The following ELAPOR1 variants were observed in gnomAD, a reference collection of about 807,000 sequenced individuals.
ELAPOR1 encodes the protein endosome-lysosome associated apoptosis and autophagy regulator 1, also known as endosome/lysosome-associated apoptosis and autophagy regulator 1.
A neutral mutation model predicts 119.7 loss-of-function variants in ELAPOR1; 77 were observed. The ratio of observed to expected loss-of-function variants is 0.64; its 90% CI spans 0.54 to 0.78. The LOEUF is 0.78. Among genes scored for constraint, ELAPOR1 ranks in the 30% least tolerant of loss-of-function variants. The pLI is 0.00. For missense variants in ELAPOR1, 1,115 were observed against 1,270.4 expected (o/e 0.88, Z 1.86); for synonymous variants, 481 against 487.2 (o/e 0.99, Z 0.17).
At chr1:109,177,170 C>T (rs1386288251) in intron 7 of ELAPOR1, among the ~76,000 whole-genome samples, 15 of 150,324 alleles carry the variant, frequency 1.0e-4, no homozygotes, top group African/African-American at 3.2e-4. Context: ...CCTCACTTCC[C>T]AGTAGGGGCG....
At chr1:109,198,882 C>T (rs977682954) in intron 18 of ELAPOR1, among the ~76,000 whole-genome samples, 2 of 152,230 alleles carry the variant, frequency 1.3e-5, no homozygotes, top group African/African-American at 4.8e-5. Context: ...TTCTCATATT[C>T]CTGGTCCATT....
intron 3 of ELAPOR1, 75 bp downstream of exon 3, chr1:109,164,766 T>C: frequency 7.2e-7 from 1 of 1,387,040 alleles, no homozygotes; most frequent in Non-Finnish European, 9.9e-7. Context: ...GACAGCCTCC[T>C]CCGCTGCCCC....
At chr1:109,129,787 G>A (rs1291464605) in intron 1 of ELAPOR1, among the ~76,000 whole-genome samples, 3 of 152,190 alleles carry the variant, frequency 2.0e-5, no homozygotes, top group East Asian at 3.8e-4. Flanking sequence ...TAATTTGAAG[G>A]ACCACTGTGA....
intron 1 of ELAPOR1, among the ~76,000 whole-genome samples, chr1:109,142,299 G>A (rs1649878413): frequency 6.6e-6 from 1 of 152,224 alleles, no homozygotes; most frequent in African/African-American, 2.4e-5. Flanking sequence ...ATAGGTAGAA[G>A]CTGAAGAAAA....
At chr1:109,149,013 G>A (rs1457693734) in intron 1 of ELAPOR1, among the ~76,000 whole-genome samples, 1 of 152,224 alleles carries the variant, frequency 6.6e-6, no homozygotes, top group Non-Finnish European at 1.5e-5. Flanking sequence ...GTTACAGACT[G>A]TCATAAATGT....
intron 1 of ELAPOR1, among the ~76,000 whole-genome samples, chr1:109,161,047 G>A (rs904335793): frequency 6.6e-5 from 10 of 152,042 alleles, no homozygotes; most frequent in African/African-American, 2.4e-4. Flanking sequence ...CACCTGCCTC[G>A]GCCAAATATA....
rs573528128 is a variant in ELAPOR1 at position 109,152,900 on chromosome 1, C to T, written c.154-8994C>T. On this transcript the variant is annotated intron_variant, in intron 1 of 21. Transcript: ENST00000369939. ...GTTCAAGGCTGCAGTTGCAGTGAGC[C>T]GAGATCACACCACTGCACTCCAGCC... Among the ~76,000 whole-genome samples the T allele has an allele frequency of 5.7e-5, 8 of 140,666 alleles. No homozygotes were observed. The East Asian group carries it at 8.4e-4, about 15-fold the overall frequency. 92.3% of individuals were successfully genotyped at this position (140,666 alleles called of 152,430 possible).
intron 1 of ELAPOR1, among the ~76,000 whole-genome samples, chr1:109,155,277 G>A (rs1296627775): frequency 6.6e-6 from 1 of 151,896 alleles, no homozygotes; most frequent in African/African-American, 2.4e-5. Context: ...CCGGGTTCAC[G>A]CCATTCTCCT....
intron 3 of ELAPOR1, among the ~76,000 whole-genome samples, chr1:109,168,678 T>C (rs374225436): frequency 6.6e-6 from 1 of 152,098 alleles, no homozygotes; most frequent in Non-Finnish European, 1.5e-5. Flanking sequence ...GAAACAAGAA[T>C]GAGAGAGAAA....
chr1:109,185,033 T>C lies in ELAPOR1; in HGVS notation c.953-12T>C. The C allele has an allele frequency of 6.4e-7, 1 of 1,571,440 alleles. No individual in the cohort carries two copies. The highest frequency in any genetic ancestry group is 8.6e-7 in the Non-Finnish European group (1 of 1,159,732). ...GTAACTCCAAATATTTCTTCTTGCT[T>C]TGGCAATTTAGAGAAAGGATCTTCT... On this transcript the variant is annotated splice_polypyrimidine_tract_variant and intron_variant, in intron 7 of 21. Coordinates refer to ENST00000369939, the MANE Select transcript of ELAPOR1 (RefSeq NM_020775.5).
chr1:109,158,689 A>G (rs1358957918), intron 1 of ELAPOR1, among the ~76,000 whole-genome samples: 1 of 152,156 alleles, frequency 6.6e-6, no homozygotes, highest in Non-Finnish European at 1.5e-5. Context: ...TACGTGCTGG[A>G]TGTATATACT....
rs187017169 is a variant in ELAPOR1 at position 109,137,780 on chromosome 1, G to A, written c.153+23444G>A. On this transcript the variant is annotated intron_variant, in intron 1 of 21. Transcript: ENST00000369939. ...CGACCTCAGGTGATCTGCCCGCCTC[G>A]GCCCCCCAAAGTGCTGGGATTACAG... is the stretch of plus-strand genomic sequence containing the variant. 3.1e-3 allele frequency among the ~76,000 whole-genome samples: 473 copies of A among 152,224 alleles called. 1 individual carries two copies. The highest frequency in any genetic ancestry group is 0.01 in the Middle Eastern group (3 of 294).
At chr1:109,129,054 T>C (rs944763389) in intron 1 of ELAPOR1, among the ~76,000 whole-genome samples, 3 of 151,732 alleles carry the variant, frequency 2.0e-5, no homozygotes, top group Admixed American at 2.0e-4. Flanking sequence ...CAGTGACAGA[T>C]TGCCTCTGGG....
At chr1:109,127,342 G>A (rs2093630667) in intron 1 of ELAPOR1, among the ~76,000 whole-genome samples, 1 of 147,038 alleles carries the variant, frequency 6.8e-6, no homozygotes, top group African/African-American at 2.6e-5. Context: ...AGCCTCCCAA[G>A]TAGCTGGGAC....
intron 1 of ELAPOR1, among the ~76,000 whole-genome samples, chr1:109,143,872 G>A (rs1259178818): frequency 6.6e-6 from 1 of 151,298 alleles, no homozygotes; most frequent in African/African-American, 2.4e-5. Flanking sequence ...TGTTGCCCAG[G>A]CTGATCTGGA....
Position 109,202,992 on chromosome 1 carries a change from G to A in ELAPOR1, c.3022G>A (p.Gly1008Ser), listed in dbSNP as rs770603003. The A allele has an allele frequency of 1.2e-6, 2 of 1,613,480 alleles. No individual in the cohort carries two copies. The stretch of plus-strand genomic sequence containing the variant: ...AGTGCCGCTGAAGACATCCTCAGGA[G>A]GCCTAGACATGGACCTGTGAGAGGC... ...DSVPLKTSSG[G>S]LDMDL Residue 1008 changes from glycine to serine, a missense_variant, in exon 22 of 22, where the codon GGC becomes AGC. Transcript: ENST00000369939.
chr1:109,120,514 G>T (rs182652424), intron 1 of ELAPOR1, among the ~76,000 whole-genome samples: 1 of 152,170 alleles, frequency 6.6e-6, no homozygotes, highest in African/African-American at 2.4e-5. Context: ...CTCACCGGAC[G>T]CCTAATCTGC....
Position 109,174,326 on chromosome 1 carries a change from T to A in ELAPOR1, c.952+489T>A, listed in dbSNP as rs573039581. Among the ~76,000 whole-genome samples, 199 of 135,680 alleles carry A rather than the reference T, an allele frequency of 1.5e-3. 1 individual carries two copies. The highest frequency in any genetic ancestry group is 2.4e-3 in the Admixed American group (28 of 11,682). The allele number at this position is 135,680 out of a possible 152,430, so 89.0% of individuals were successfully genotyped here. A position where few individuals can be genotyped will look rare whatever the true frequency, so the allele number is the denominator to read the frequency against. ...ACTTTGGGAGGTCAAACCGGGAAGA[T>A]CAATTGGGCCTAGGAGGTTGAAGCT... On this transcript the variant is annotated intron_variant, in intron 7 of 21. Transcript: ENST00000369939.
chr1:109,118,517 G>A (rs1313621060), intron 1 of ELAPOR1, among the ~76,000 whole-genome samples: 2 of 152,214 alleles, frequency 1.3e-5, no homozygotes, highest in Non-Finnish European at 2.9e-5. Context: ...GACCAATACT[G>A]AAGATATTAC....
Sources: gnomAD v4.1 joint callset for allele counts (sites outside exome capture counted in the v4.1 genomes callset) on GRCh38, gnomAD v4.1.1 for gene constraint, MANE v1.5 for transcripts, NCBI Gene and HGNC (gene_info 2026-07-23, HGNC 2026-07-21) for gene names.